Variants in MTMR7 observed in about 807,000 individuals in gnomAD.
MTMR7 encodes the protein phosphatidylinositol-3-phosphate phosphatase MTMR7.
MTMR7 carries 76 observed loss-of-function variants against 81.2 expected under a neutral mutation model. That is an observed-to-expected ratio of 0.94 (90% CI 0.78 to 1.13). MTMR7 has a LOEUF of 1.13. MTMR7 is among the 50% of genes most tolerant of loss of function. MTMR7 has a pLI of 0.00. For missense variants in MTMR7, 1,044 were observed against 820.0 expected (o/e 1.27, Z -3.34); for synonymous variants, 372 against 289.8 (o/e 1.28, Z -2.88).
chr8:17,361,074 C>T (rs769403507), intron 4 of MTMR7, 43 bp downstream of exon 4: 2 of 1,609,056 alleles, frequency 1.2e-6, no homozygotes, highest in Non-Finnish European at 1.7e-6. Flanking sequence ...TGGCTGAAAC[C>T]CTAATTTCAT....
At chr8:17,385,077 A>C (rs2150574546) in intron 1 of MTMR7, among the ~76,000 whole-genome samples, 1 of 152,346 alleles carries the variant, frequency 6.6e-6, no homozygotes, top group East Asian at 1.9e-4. Flanking sequence ...AAGCTGCCTA[A>C]AACAATTAAT....
intron 2 of MTMR7, 71 bp downstream of exon 2, chr8:17,373,047 T>C (rs529667471): frequency 2.5e-5 from 40 of 1,570,790 alleles, no homozygotes; most frequent in Non-Finnish European, 3.1e-5. Context: ...TGAGGAAAAA[T>C]GAATGGAGGG....
At chr8:17,363,093 A>G (rs1370199891) in intron 3 of MTMR7, among the ~76,000 whole-genome samples, 1 of 152,256 alleles carries the variant, frequency 6.6e-6, no homozygotes, top group East Asian at 1.9e-4. Context: ...AGGCGTGCTC[A>G]CACACAAACC....
Position 17,341,433 on chromosome 8 carries a change from TGCTCGTCCTCTAGGCACCGG to T in MTMR7, c.642_661del (p.Arg215AspfsTer6). 2.5e-6 allele frequency: 4 copies of T among 1,614,204 alleles called. No individual in the cohort carries two copies. The highest frequency in any genetic ancestry group is 3.4e-6 in the Non-Finnish European group (4 of 1,180,028). ...GGCTTTCCTAATGGCCTGGAGCATC[TGCTCGTCCTCTAGGCACCGG>T]GCACTGAAGCCGGACAGGGGCTGGC... On this transcript the variant is annotated frameshift_variant, in exon 6 of 14. Transcript: ENST00000180173. LOFTEE classifies it high-confidence loss of function.
intron 1 of MTMR7, among the ~76,000 whole-genome samples, chr8:17,374,650 TA>T (rs1820519287): frequency 6.6e-6 from 1 of 151,354 alleles, no homozygotes; most frequent in Non-Finnish European, 1.5e-5. Flanking sequence ...TAAAATAAAA[TA>T]AAAGCATAAA....
rs530240881 is a variant in MTMR7, at chr8:17,408,395, C to CAAAAA, written c.24+4869_24+4873dup. On this transcript the variant is annotated intron_variant, in intron 1 of 13. Coordinates refer to ENST00000180173, the MANE Select transcript of MTMR7 (RefSeq NM_004686.5). ...TGGGCGACAGAGCGAGACTCCGTCT[C>CAAAAA]AAAAAAAAAAAAAAAAAAAAAAAGA... 1.2e-3 allele frequency among the ~76,000 whole-genome samples: 28 copies of CAAAAA among 23,502 alleles called. 2 individuals carry two copies. The highest frequency in any genetic ancestry group is 2.1e-3 in the African/African-American group (22 of 10,654). 15.4% of individuals were successfully genotyped at this position (23,502 alleles called of 152,430 possible). A position where few individuals can be genotyped will look rare whatever the true frequency, so the allele number is the denominator to read the frequency against.
At chr8:17,350,961 C>G (rs557522172) in intron 4 of MTMR7, among the ~76,000 whole-genome samples, 36 of 152,304 alleles carry the variant, frequency 2.4e-4, no homozygotes, top group African/African-American at 8.4e-4. Flanking sequence ...AACTTGGACT[C>G]AGAGAGCTTT....
intron 1 of MTMR7, among the ~76,000 whole-genome samples, chr8:17,379,640 T>A (rs142157297): frequency 4.6e-5 from 7 of 152,172 alleles, no homozygotes; most frequent in African/African-American, 1.7e-4. Flanking sequence ...AGGAAACATG[T>A]ACTTATTTAC....
chr8:17,332,950 T>C (rs1819088817), intron 6 of MTMR7, among the ~76,000 whole-genome samples: 1 of 152,186 alleles, frequency 6.6e-6, no homozygotes, highest in Non-Finnish European at 1.5e-5. Context: ...AGTACTACTT[T>C]GGATGCCCCT....
At chr8:17,313,704 G>A (rs1053911786) in intron 7 of MTMR7, among the ~76,000 whole-genome samples, 1 of 152,044 alleles carries the variant, frequency 6.6e-6, no homozygotes, top group African/African-American at 2.4e-5. Context: ...AGAAAATATC[G>A]ATTTGCCTTT....
intron 4 of MTMR7, among the ~76,000 whole-genome samples, chr8:17,353,029 G>C (rs1819773599): frequency 6.6e-6 from 1 of 152,154 alleles, no homozygotes; most frequent in Admixed American, 6.5e-5. Context: ...ACAGCCAAGA[G>C]GTGGAAGCAA....
intron 1 of MTMR7, among the ~76,000 whole-genome samples, chr8:17,374,167 T>C (rs1056680989): frequency 6.6e-6 from 1 of 152,206 alleles, no homozygotes; most frequent in African/African-American, 2.4e-5. Context: ...ACTAACGCAT[T>C]GTATTCGCTC....
intron 3 of MTMR7, 132 bp from the exon 4 acceptor site, chr8:17,361,406 G>C (rs1820056590): frequency 2.2e-6 from 2 of 924,408 alleles, no homozygotes; most frequent in Non-Finnish European, 3.3e-6. Flanking sequence ...ACACTCTTGG[G>C]AGTAACCTGT....
chr8:17,321,290 T>TGCCAGAGAGAATGTCCC (rs1818376596), intron 7 of MTMR7, among the ~76,000 whole-genome samples: 1 of 152,242 alleles, frequency 6.6e-6, no homozygotes, highest in South Asian at 2.1e-4. Flanking sequence ...TAGAATGTCC[T>TGCCAGAGAGAATGTCCC]GCCAGAGAGA....
intron 1 of MTMR7, among the ~76,000 whole-genome samples, chr8:17,399,575 A>G (rs1000411402): frequency 6.6e-6 from 1 of 152,216 alleles, no homozygotes; most frequent in Non-Finnish European, 1.5e-5. Flanking sequence ...TACAAATTCA[A>G]TACAATCCCT....
intron 7 of MTMR7, 36 bp from the exon 8 acceptor site, chr8:17,313,437 G>T: frequency 7.5e-7 from 1 of 1,330,172 alleles, no homozygotes; most frequent in Non-Finnish European, 1.1e-6. Flanking sequence ...GCAAAATTAA[G>T]GTACTCTCTC....
At chr8:17,328,845 G>C (rs1818835661) in intron 7 of MTMR7, among the ~76,000 whole-genome samples, 1 of 152,188 alleles carries the variant, frequency 6.6e-6, no homozygotes, top group African/African-American at 2.4e-5. Flanking sequence ...CTATGTGACT[G>C]AAAGGCATCA....
intron 1 of MTMR7, among the ~76,000 whole-genome samples, chr8:17,391,210 T>G (rs972727253): frequency 6.6e-5 from 10 of 152,038 alleles, no homozygotes; most frequent in Non-Finnish European, 1.3e-4. Context: ...ACAAACCTTG[T>G]AGGGCCTGCC....
chr8:17,375,150 A>T (rs555844274), intron 1 of MTMR7, among the ~76,000 whole-genome samples: 1 of 152,156 alleles, frequency 6.6e-6, no homozygotes. Context: ...CAGACTTCCC[A>T]TCTACTCCAA....
Sources: gnomAD v4.1 joint callset for allele counts (sites outside exome capture counted in the v4.1 genomes callset) on GRCh38, gnomAD v4.1.1 for gene constraint, MANE v1.5 for transcripts, NCBI Gene and HGNC (gene_info 2026-07-23, HGNC 2026-07-21) for gene names.